Variants in TLL1 observed in about 807,000 individuals in gnomAD.
TLL1 encodes tolloid like 1.
Under a neutral mutation model 128.2 loss-of-function variants are expected in TLL1, and 49 were observed. That is an observed-to-expected ratio of 0.38 (90% CI 0.30 to 0.48). TLL1 has a LOEUF of 0.48. Ranked by LOEUF, TLL1 falls within the 20% of genes least tolerant of loss-of-function variation. The pLI, the probability that TLL1 is intolerant of heterozygous loss-of-function variation, is 0.96. For synonymous variants in TLL1, 454 were observed against 418.8 expected (o/e 1.08, Z -1.03); for missense variants, 1,123 against 1,242.0 (o/e 0.90, Z 1.44).
At chr4:166,018,496 C>G (rs183802000) in intron 8 of TLL1, among the ~76,000 whole-genome samples, 5 of 152,184 alleles carry the variant, frequency 3.3e-5, no homozygotes, top group Admixed American at 3.3e-4. Context: ...GCAAAAGAAA[C>G]TATCAACAAA....
chr4:166,066,033 C>T (rs1740559487), intron 16 of TLL1, among the ~76,000 whole-genome samples, 170 bp downstream of exon 16: 1 of 27,916 alleles, frequency 3.6e-5, no homozygotes, highest in South Asian at 7.0e-4. Context: ...AGTGACTTTA[C>T]TCTTTACAGG....
intron 1 of TLL1, among the ~76,000 whole-genome samples, chr4:165,975,301 A>G (rs989673067): frequency 2.8e-4 from 42 of 152,032 alleles, no homozygotes; most frequent in Middle Eastern, 3.2e-3. Flanking sequence ...CACCATGGAA[A>G]AAACTCTAGT....
At chr4:166,088,367 G>A (rs1283424934) in intron 18 of TLL1, among the ~76,000 whole-genome samples, 1 of 152,120 alleles carries the variant, frequency 6.6e-6, no homozygotes, top group Admixed American at 6.6e-5. Flanking sequence ...TATTTTAGAA[G>A]TTTTTCCTTT....
chr4:165,899,963 A>G (rs181077200), intron 1 of TLL1, among the ~76,000 whole-genome samples: 5 of 151,334 alleles, frequency 3.3e-5, no homozygotes, highest in Non-Finnish European at 7.4e-5. Context: ...TCCCTTTACC[A>G]TTATGTAATG....
At chr4:165,891,634 G>C (rs9995426) in intron 1 of TLL1, among the ~76,000 whole-genome samples, 1 of 152,068 alleles carries the variant, frequency 6.6e-6, no homozygotes, top group Non-Finnish European at 1.5e-5. Flanking sequence ...AGCCCAATAA[G>C]TTTCTCATCT....
At chr4:165,967,020 A>G (rs1735417084) in intron 1 of TLL1, among the ~76,000 whole-genome samples, 1 of 152,172 alleles carries the variant, frequency 6.6e-6, no homozygotes, top group Admixed American at 6.5e-5. Context: ...CAACCGTGTA[A>G]GACAGACATT....
intron 1 of TLL1, among the ~76,000 whole-genome samples, chr4:165,922,249 A>T (rs1283793316): frequency 1.3e-5 from 2 of 152,144 alleles, no homozygotes; most frequent in African/African-American, 2.4e-5. Flanking sequence ...TAAGAGGAGT[A>T]TTTGTTTTGA....
chr4:166,096,766 A>C (rs1742040742), intron 19 of TLL1, among the ~76,000 whole-genome samples: 1 of 152,172 alleles, frequency 6.6e-6, no homozygotes, highest in African/African-American at 2.4e-5. Flanking sequence ...TAGAATTTTT[A>C]AAAATCTGTA....
At chr4:166,082,029 C>T (rs2111146421) in intron 18 of TLL1, among the ~76,000 whole-genome samples, 1 of 152,266 alleles carries the variant, frequency 6.6e-6, no homozygotes, top group Non-Finnish European at 1.5e-5. Context: ...GTCATACCTG[C>T]TGGTATCCTA....
intron 1 of TLL1, among the ~76,000 whole-genome samples, chr4:165,920,244 T>A (rs1371669188): frequency 2.0e-5 from 3 of 152,200 alleles, no homozygotes; most frequent in Non-Finnish European, 4.4e-5. Context: ...GAAAGTCTAA[T>A]TTAAAAATTA....
At chr4:165,969,019 C>T (rs550698875) in intron 1 of TLL1, among the ~76,000 whole-genome samples, 3 of 152,258 alleles carry the variant, frequency 2.0e-5, no homozygotes, top group Middle Eastern at 6.8e-3. Flanking sequence ...AGATGCTTTG[C>T]GTTTAGCAAA....
At chr4:166,075,699 T>G (rs1740989992) in intron 17 of TLL1, among the ~76,000 whole-genome samples, 1 of 152,194 alleles carries the variant, frequency 6.6e-6, no homozygotes, top group Admixed American at 6.5e-5. Context: ...ATTTTCTACT[T>G]AAATTGGATT....
At chr4:165,994,695 T>G (rs1736787737) in intron 4 of TLL1, among the ~76,000 whole-genome samples, 162 bp downstream of exon 4, 1 of 152,196 alleles carries the variant, frequency 6.6e-6, no homozygotes, top group African/African-American at 2.4e-5. Context: ...GTCTTTGAAA[T>G]TGAAAGCATA....
At chr4:165,922,214 C>T (rs1733069235) in intron 1 of TLL1, among the ~76,000 whole-genome samples, 1 of 152,118 alleles carries the variant, frequency 6.6e-6, no homozygotes, top group Non-Finnish European at 1.5e-5. Context: ...TTATTCTGGC[C>T]TTCATAGTTT....
intron 14 of TLL1, among the ~76,000 whole-genome samples, chr4:166,058,548 T>C (rs1352531966): frequency 6.6e-6 from 1 of 152,170 alleles, no homozygotes; most frequent in African/African-American, 2.4e-5. Context: ...ATCTATGATC[T>C]CTTCCTTCAG....
intron 1 of TLL1, among the ~76,000 whole-genome samples, chr4:165,931,993 G>A (rs1221297963): frequency 6.6e-6 from 1 of 152,168 alleles, no homozygotes; most frequent in Non-Finnish European, 1.5e-5. Context: ...TTCCTTTGCT[G>A]GAAAGCCAGG....
chr4:165,993,532 C>T (rs79267269), intron 3 of TLL1, among the ~76,000 whole-genome samples: 2,688 of 152,080 alleles, frequency 0.018, 41 homozygotes, highest in Non-Finnish European at 0.028. Context: ...GAATAATTTT[C>T]CCAAGCAAAA....
At chr4:166,057,586 A>G (rs1740084997) in intron 14 of TLL1, among the ~76,000 whole-genome samples, 1 of 152,126 alleles carries the variant, frequency 6.6e-6, no homozygotes, top group Admixed American at 6.6e-5. Context: ...CAGACACATT[A>G]GCATATTTAT....
At position 166,074,757 on chromosome 4, in the gene TLL1, A is replaced by G. The variant is rs531068191; in HGVS notation, c.2189-121A>G. The G allele has an allele frequency of 1.9e-5, 23 of 1,234,140 alleles. No individual in the cohort carries two copies. In the African/African-American group the frequency reaches 2.7e-4, roughly 14 times the overall value. 76.4% of individuals were successfully genotyped at this position (1,234,140 alleles called of 1,614,324 possible). A position where few individuals can be genotyped will look rare whatever the true frequency, so the allele number is the denominator to read the frequency against. On this transcript the variant is annotated intron_variant, in intron 16 of 20. Transcript: ENST00000061240. ...ACATTTTTGTTTGTTTTATGTTGGG[A>G]ACAGGAGAAACCATGACTTAGTTTA... is the stretch of plus-strand genomic sequence containing the variant.
Sources: gnomAD v4.1 joint callset for allele counts (sites outside exome capture counted in the v4.1 genomes callset) on GRCh38, gnomAD v4.1.1 for gene constraint, MANE v1.5 for transcripts, NCBI Gene and HGNC (gene_info 2026-07-23, HGNC 2026-07-21) for gene names.